Variants in PRDM16 observed in about 807,000 individuals in gnomAD.
PRDM16 encodes the protein histone-lysine N-methyltransferase PRDM16.
PRDM16 carries 23 observed loss-of-function variants against 110.6 expected under a neutral mutation model. The observed-to-expected ratio is 0.21, with a 90% CI of 0.15 to 0.29. The LOEUF (loss-of-function observed/expected upper bound fraction) is 0.29, where lower values mean the gene tolerates loss of function less well. PRDM16 is among the 10% of genes least tolerant of loss of function. PRDM16 has a pLI of 1.00. For missense variants in PRDM16, 1,615 were observed against 1,794.3 expected, an observed-to-expected ratio of 0.90 and a Z score of 1.81; for synonymous variants, 799 against 781.8, an observed-to-expected ratio of 1.02 and a Z score of -0.37.
intron 3 of PRDM16, among the ~76,000 whole-genome samples, chr1:3,313,737 G>C (rs554009513): frequency 2.6e-5 from 4 of 152,156 alleles, no homozygotes; most frequent in Non-Finnish European, 5.9e-5. Context: ...CTCCTGCCCC[G>C]GCGGGCCTGG....
At chr1:3,351,818 T>C (rs1642500233) in intron 3 of PRDM16, among the ~76,000 whole-genome samples, 1 of 144,956 alleles carries the variant, frequency 6.9e-6, no homozygotes, top group Non-Finnish European at 1.5e-5. Flanking sequence ...CCTCTTGCAG[T>C]CTCCAGCCAT....
rs1388335339 is a variant in PRDM16, at chr1:3,225,563, T to TGC, written c.388-18523_388-18522insCG. Among the ~76,000 whole-genome samples, 238 of 123,194 alleles carry TGC rather than the reference T, an allele frequency of 1.9e-3. 13 individuals are homozygous for TGC. The highest frequency in any genetic ancestry group is 8.5e-3 in the African/African-American group (232 of 27,152). The allele number at this position is 123,194 out of a possible 152,430, so 80.8% of individuals were successfully genotyped here. A position where few individuals can be genotyped will look rare whatever the true frequency, so the allele number is the denominator to read the frequency against. ...GTGTGTGTGTGTGTGTGTGTGTGTG[T>TGC]GTGTGTGTGTGCGCGCGCGCAGAAG... On this transcript the variant is annotated intron_variant, in intron 2 of 16. Transcript: ENST00000270722.
intron 3 of PRDM16, among the ~76,000 whole-genome samples, chr1:3,292,482 C>G (rs1640997492): frequency 1.3e-5 from 2 of 152,244 alleles, no homozygotes; most frequent in South Asian, 4.1e-4. Flanking sequence ...GGCTGCGCCT[C>G]TATCTGGGGC....
Position 3,434,822 on chromosome 1 carries a change from C to A in PRDM16, c.*1011C>A. On this transcript the variant is annotated 3_prime_UTR_variant, in exon 17 of 17. Transcript: ENST00000270722. ...TGCCTCGGCCACCCCACGCGGGAACCCAGCGCCGTCCTCTGAAGGCAGGGC... is the reference window on the plus strand; with the variant it reads ...TGCCTCGGCCACCCCACGCGGGAACACAGCGCCGTCCTCTGAAGGCAGGGC... 1 of 232,064 alleles carries A rather than the reference C, an allele frequency of 4.3e-6. No homozygotes were observed. The highest frequency in any genetic ancestry group is 6.1e-5 in the East Asian group (1 of 16,452). The allele number at this position is 232,064 out of a possible 1,614,324, so 14.4% of individuals were successfully genotyped here.
chr1:3,304,467 T>C (rs532607614), intron 3 of PRDM16, among the ~76,000 whole-genome samples: 1 of 152,228 alleles, frequency 6.6e-6, no homozygotes, highest in Admixed American at 6.5e-5. Context: ...ATACGAACAA[T>C]GAAAGCCTGC....
chr1:3,338,895 C>T lies in PRDM16; in HGVS notation c.439-46257C>T, dbSNP rs140752215. On this transcript the variant is annotated intron_variant, in intron 3 of 16. Coordinates refer to ENST00000270722, the MANE Select transcript of PRDM16 (RefSeq NM_022114.4). ...GACAGGCCAGCAGAGAAAGGGCTGT[C>T]TGATGGCAGTGGACCATTTCTGCCC... Among the ~76,000 whole-genome samples the T allele has an allele frequency of 4.9e-3, 739 of 152,352 alleles. 5 individuals are homozygous for T. Among genetic ancestry groups the T allele is most frequent in the Non-Finnish European group, 7.8e-3 (529 of 68,028 alleles).
In PRDM16 at chr1:3,243,081, C is replaced by T. The variant is rs187691396; in HGVS notation, c.388-1006C>T. Among the ~76,000 whole-genome samples, 47 of 152,244 alleles carry T rather than the reference C, an allele frequency of 3.1e-4. No homozygotes were observed. Among genetic ancestry groups the T allele is most frequent in the Non-Finnish European group, 4.4e-5 (3 of 68,006 alleles). On this transcript the variant is annotated intron_variant, in intron 2 of 16. Coordinates refer to ENST00000270722, the MANE Select transcript of PRDM16 (RefSeq NM_022114.4). The surrounding 1 kb of genome is among the most constrained non-coding windows in gnomAD (Gnocchi z 5.5). ...TGCTCTCCAGAGCCAAAGAACGTTC[C>T]GGCTGGAGCGACCTGGGAGGAAGAA...
intron 3 of PRDM16, among the ~76,000 whole-genome samples, chr1:3,267,599 T>C (rs973579286): frequency 2.0e-5 from 3 of 152,240 alleles, no homozygotes; most frequent in Non-Finnish European, 4.4e-5. Flanking sequence ...GCTATACCAT[T>C]TCACATCCCG....
chr1:3,175,132 G>C lies in PRDM16; in HGVS notation c.38-10993G>C, dbSNP rs1644070664. ...GTCTCAAAGCCAAGATCCAGGGCGA[G>C]GGGAGAAGCTATTGCCTTTACCGCA... On this transcript the variant is annotated intron_variant, in intron 1 of 16. Coordinates refer to ENST00000270722, the MANE Select transcript of PRDM16 (RefSeq NM_022114.4). This position sits in a 1 kb window ranked among gnomAD's most constrained non-coding sequence, Gnocchi z 4.8. 6.6e-6 allele frequency among the ~76,000 whole-genome samples: 1 copy of C among 152,192 alleles called. No homozygotes were observed. The highest frequency in any genetic ancestry group is 2.1e-4 in the South Asian group (1 of 4,828).
At chr1:3,198,059 C>T (rs575483007) in intron 2 of PRDM16, among the ~76,000 whole-genome samples, 4 of 152,206 alleles carry the variant, frequency 2.6e-5, no homozygotes, top group Admixed American at 1.3e-4. Context: ...CGCAACTGCT[C>T]ACAGGCCCGC....
At chr1:3,156,700 TC>T (rs1643862819) in intron 1 of PRDM16, among the ~76,000 whole-genome samples, 1 of 152,198 alleles carries the variant, frequency 6.6e-6, no homozygotes, top group Non-Finnish European at 1.5e-5. Context: ...CAGAGAAGCC[TC>T]CGTCCTTCAG....
At chr1:3,149,389 C>T (rs1643735680) in intron 1 of PRDM16, among the ~76,000 whole-genome samples, 1 of 152,106 alleles carries the variant, frequency 6.6e-6, no homozygotes, top group Non-Finnish European at 1.5e-5. Flanking sequence ...GAGAACTGAG[C>T]CCCGGGTGGG....
chr1:3,346,314 C>CTGGGGGCT (rs1372507439), intron 3 of PRDM16, among the ~76,000 whole-genome samples: 2 of 152,142 alleles, frequency 1.3e-5, no homozygotes, highest in African/African-American at 2.4e-5. Context: ...GTGACATAGG[C>CTGGGGGCT]TGGGGGCTTG....
intron 2 of PRDM16, among the ~76,000 whole-genome samples, chr1:3,232,619 A>C (rs1639443548): frequency 6.6e-6 from 1 of 152,214 alleles, no homozygotes; most frequent in Admixed American, 6.5e-5. Flanking sequence ...GGATGAGAGA[A>C]AGACTGAATT....
intron 5 of PRDM16, among the ~76,000 whole-genome samples, chr1:3,399,452 TA>T (rs1643433410): frequency 6.6e-6 from 1 of 152,142 alleles, no homozygotes; most frequent in South Asian, 2.1e-4. Context: ...GGGCCAGCCT[TA>T]CCTGCCTGGA....
chr1:3,194,135 G>A (rs1041849706), intron 2 of PRDM16, among the ~76,000 whole-genome samples: 1 of 152,236 alleles, frequency 6.6e-6, no homozygotes, highest in African/African-American at 2.4e-5. Context: ...GGACAGGTGG[G>A]AGGGCTGAGG....
In PRDM16 at chr1:3,100,506, C is replaced by T. The variant is rs149278442; in HGVS notation, c.37+31210C>T. 5.7e-3 allele frequency among the ~76,000 whole-genome samples: 862 copies of T among 152,066 alleles called. 5 individuals are homozygous for T. The highest frequency in any genetic ancestry group is 0.02 in the African/African-American group (813 of 41,470). On this transcript the variant is annotated intron_variant, in intron 1 of 16. Transcript: ENST00000270722. Reference sequence around the variant, plus strand: ...CTATGGAGCCCCTGCAGAACCTCCACGCCCTGCCCTCAGTGGACGGGGCCT... The same window carrying T: ...CTATGGAGCCCCTGCAGAACCTCCATGCCCTGCCCTCAGTGGACGGGGCCT...
chr1:3,184,541 G>A (rs969682914), intron 1 of PRDM16, among the ~76,000 whole-genome samples: 7 of 152,138 alleles, frequency 4.6e-5, no homozygotes, highest in Admixed American at 2.6e-4. Flanking sequence ...GTCCCTTCCC[G>A]CTGCTCCCCA....
Position 3,359,809 on chromosome 1 carries a change from C to T in PRDM16, c.439-25343C>T, listed in dbSNP as rs1291127354. ...GAAAAACGAGCCTGGCCTGAAACCACGCCCGTGCTCAAAGTGATGTTTACT... is the reference window on the plus strand; with the variant it reads ...GAAAAACGAGCCTGGCCTGAAACCATGCCCGTGCTCAAAGTGATGTTTACT... On this transcript the variant is annotated intron_variant, in intron 3 of 16. Transcript: ENST00000270722. This position sits in a 1 kb window ranked among gnomAD's most constrained non-coding sequence, Gnocchi z 4.3. 1.3e-5 allele frequency among the ~76,000 whole-genome samples: 2 copies of T among 152,176 alleles called. No homozygotes were observed. The highest frequency in any genetic ancestry group is 1.9e-4 in the East Asian group (1 of 5,164).
Sources: gnomAD v4.1 joint callset for allele counts (sites outside exome capture counted in the v4.1 genomes callset) on GRCh38, gnomAD v4.1.1 for gene constraint, Gnocchi (gnomAD v3.1) non-coding constraint, MANE v1.5 for transcripts, NCBI Gene and HGNC (gene_info 2026-07-23, HGNC 2026-07-21) for gene names.